PCDHGB4: variants seen among roughly 807,000 people sequenced by gnomAD.
PCDHGB4 encodes the protein protocadherin gamma subfamily B, 4.
In PCDHGB4, 38 loss-of-function variants were observed where a neutral mutation model predicts 60.5. That is an observed-to-expected ratio of 0.63 (90% CI 0.48 to 0.82). The LOEUF (loss-of-function observed/expected upper bound fraction) is 0.82, where lower values mean the gene tolerates loss of function less well. Ranked by LOEUF, PCDHGB4 falls within the 40% of genes least tolerant of loss-of-function variation. The pLI, the probability that PCDHGB4 is intolerant of heterozygous loss-of-function variation, is 0.00. For synonymous variants in PCDHGB4, 456 were observed against 509.7 expected, an observed-to-expected ratio of 0.89 and a Z score of 1.42; for missense variants, 1,109 against 1,209.6, an observed-to-expected ratio of 0.92 and a Z score of 1.23.
In PCDHGB4 at chr5:141,477,955, C is replaced by T. The variant is rs748233998; in HGVS notation, c.2398-16852C>T. The T allele has an allele frequency of 3.7e-6, 6 of 1,614,004 alleles. No homozygotes were observed. Among genetic ancestry groups the T allele is most frequent in the Admixed American group, 3.3e-5 (2 of 59,988 alleles). On this transcript the variant is annotated intron_variant, in intron 1 of 3. Transcript: ENST00000519479. This position sits in a 1 kb window ranked among gnomAD's most constrained non-coding sequence, Gnocchi z 4.9. ...GGCTCTCCTACAGTCTCTTGGGATCCCCTAACCAGAGCCTTTTTGCCATAG... is the reference window on the plus strand; with the variant it reads ...GGCTCTCCTACAGTCTCTTGGGATCTCCTAACCAGAGCCTTTTTGCCATAG...
rs1221067458 is a variant in PCDHGB4 at position 141,491,658 on chromosome 5, C to T, written c.2398-3149C>T. The T allele has an allele frequency of 3.1e-6, 5 of 1,613,822 alleles. No individual in the cohort carries two copies. The highest frequency in any genetic ancestry group is 2.2e-5 in the South Asian group (2 of 91,088). Reference sequence around the variant, plus strand: ...CCACAGCTCTGGCGCTGGAGCCTGACGCCATCCGGTCCCGCTCTAATACGC... The same window carrying T: ...CCACAGCTCTGGCGCTGGAGCCTGATGCCATCCGGTCCCGCTCTAATACGC... On this transcript the variant is annotated intron_variant, in intron 1 of 3. Coordinates refer to ENST00000519479, the MANE Select transcript of PCDHGB4 (RefSeq NM_003736.4). The surrounding 1 kb of genome is among the most constrained non-coding windows in gnomAD (Gnocchi z 6.9).
Position 141,511,429 on chromosome 5 carries a change from G to A in PCDHGB4, c.*256G>A, listed in dbSNP as rs1414641314. 1.3e-6 allele frequency: 1 copy of A among 769,620 alleles called. No individual in the cohort carries two copies. The highest frequency in any genetic ancestry group is 2.0e-6 in the Non-Finnish European group (1 of 505,154). The allele number at this position is 769,620 out of a possible 1,614,324, so 47.7% of individuals were successfully genotyped here. On this transcript the variant is annotated 3_prime_UTR_variant, in exon 4 of 4. Transcript: ENST00000519479. The stretch of plus-strand genomic sequence containing the variant: ...CTGCTGTACCCATGGGGGTAGTGGG[G>A]TTACTGTAGACACCAAGAACCATTT...
chr5:141,460,414 T>G (rs1289935272), intron 1 of PCDHGB4, among the ~76,000 whole-genome samples: 1 of 152,216 alleles, frequency 6.6e-6, no homozygotes, highest in Non-Finnish European at 1.5e-5. Context: ...GAGTTGATGT[T>G]TATGTATGGT....
intron 1 of PCDHGB4, chr5:141,415,943 T>A: frequency 1.8e-6 from 1 of 552,806 alleles, no homozygotes; most frequent in Non-Finnish European, 2.7e-6. Flanking sequence ...TCCTCCTGGG[T>A]GGTCACATAT....
At chr5:141,434,392 C>T (rs906051301) in intron 1 of PCDHGB4, among the ~76,000 whole-genome samples, 4 of 152,210 alleles carry the variant, frequency 2.6e-5, no homozygotes, top group African/African-American at 9.6e-5. Context: ...TGGCCATAAA[C>T]AAAATCTCTG....
In PCDHGB4 at chr5:141,476,348, G is replaced by T. The variant is rs764669470; in HGVS notation, c.2398-18459G>T. On this transcript the variant is annotated intron_variant, in intron 1 of 3. Transcript: ENST00000519479. This position sits in a 1 kb window ranked among gnomAD's most constrained non-coding sequence, Gnocchi z 7.6. ...GTCTGGAGCTAGCCGAAGATTCTTTGAGGTGAACCGGGAGACCGGAGAGAT... is the reference window on the plus strand; with the variant it reads ...GTCTGGAGCTAGCCGAAGATTCTTTTAGGTGAACCGGGAGACCGGAGAGAT... 1 of 1,614,190 alleles carries T rather than the reference G, an allele frequency of 6.2e-7. No individual in the cohort carries two copies. The highest frequency in any genetic ancestry group is 8.5e-7 in the Non-Finnish European group (1 of 1,180,032).
rs2099413641 is a variant in PCDHGB4, at chr5:141,477,586, T to C, written c.2398-17221T>C. The C allele has an allele frequency of 1.9e-6, 3 of 1,614,022 alleles. No individual in the cohort carries two copies. The highest frequency in any genetic ancestry group is 2.5e-6 in the Non-Finnish European group (3 of 1,180,036). On this transcript the variant is annotated intron_variant, in intron 1 of 3. Transcript: ENST00000519479. This position sits in a 1 kb window ranked among gnomAD's most constrained non-coding sequence, Gnocchi z 4.9. ...GGGACCCCGACGCCCCGCAGAATGC[T>C]CGGCTTTCTTTCTTTCTCTTGGAGC... is the stretch of plus-strand genomic sequence containing the variant.
rs1463991755 is a variant in PCDHGB4 at position 141,388,289 on chromosome 5, A to T, written c.405A>T (p.Gln135His). 8.7e-6 allele frequency: 14 copies of T among 1,613,522 alleles called. No homozygotes were observed. Among genetic ancestry groups the T allele is most frequent in the Non-Finnish European group, 1.2e-5 (14 of 1,179,774 alleles). Residue 135 changes from glutamine (Q) to histidine (H), a missense_variant, in exon 1 of 4, where the codon CAA becomes CAT. Gln to His is a conservative substitution (Grantham distance 24). This residue lies in a region of PCDHGB4 where 1,068 missense variants were observed against 1,089.9 expected (regional missense o/e 0.98). Coordinates refer to ENST00000519479, the MANE Select transcript of PCDHGB4 (RefSeq NM_003736.4). The stretch of plus-strand genomic sequence containing the variant: ...ATGACCACACGCCAAAATTCACGCA[A>T]AATTCCTTTGAGCTGCAAATAAGTG... ...DINDHTPKFT[Q>H]NSFELQISES...
In PCDHGB4 at chr5:141,490,507, G is replaced by C; in HGVS notation, c.2398-4300G>C. 1 of 1,614,016 alleles carries C rather than the reference G, an allele frequency of 6.2e-7. No individual in the cohort carries two copies. Among genetic ancestry groups the C allele is most frequent in the Non-Finnish European group, 8.5e-7 (1 of 1,180,002 alleles). On this transcript the variant is annotated intron_variant, in intron 1 of 3. Transcript: ENST00000519479. The surrounding 1 kb of genome is among the most constrained non-coding windows in gnomAD (Gnocchi z 5.4). ...GGAGGCCACATCCCACTATATCATCGAGCTGCTGGCCAGCGATGCTGGTTC... is the reference window on the plus strand; with the variant it reads ...GGAGGCCACATCCCACTATATCATCCAGCTGCTGGCCAGCGATGCTGGTTC...
rs765318875 is a variant in PCDHGB4 at position 141,489,896 on chromosome 5, C to A, written c.2398-4911C>A. On this transcript the variant is annotated intron_variant, in intron 1 of 3. Coordinates refer to ENST00000519479, the MANE Select transcript of PCDHGB4 (RefSeq NM_003736.4). This position sits in a 1 kb window ranked among gnomAD's most constrained non-coding sequence, Gnocchi z 4.5. ...GTGCTTACTGCTGTGGATGGGGGGA[C>A]CCCAGCCCGCTCAGGGACCACCCTT... 5 of 1,614,062 alleles carry A rather than the reference C, an allele frequency of 3.1e-6. No homozygotes were observed.
At chr5:141,475,959 A>T (rs963363028) in intron 1 of PCDHGB4, 15 of 817,720 alleles carry the variant, frequency 1.8e-5, no homozygotes, top group East Asian at 2.6e-5. Context: ...GCGCCCCGGG[A>T]TGAGGCAGAG....
At chr5:141,399,504 A>G (rs754910149) in intron 1 of PCDHGB4, 3 of 1,614,000 alleles carry the variant, frequency 1.9e-6, no homozygotes, top group Non-Finnish European at 2.5e-6. Context: ...GTGTACCCGA[A>G]AACAACCCTC....
intron 1 of PCDHGB4, among the ~76,000 whole-genome samples, chr5:141,460,251 A>G (rs2098984972): frequency 6.6e-6 from 1 of 152,114 alleles, no homozygotes; most frequent in Admixed American, 6.6e-5. Context: ...TAATTTTGAT[A>G]AAGCCCAATT....
intron 1 of PCDHGB4, chr5:141,393,489 G>C: frequency 6.2e-7 from 1 of 1,614,062 alleles, no homozygotes; most frequent in Non-Finnish European, 8.5e-7. Flanking sequence ...CTCTAGCACA[G>C]TGCGCATCCA....
Position 141,431,698 on chromosome 5 carries a change from A to ATTC in PCDHGB4, c.2397+41419_2397+41421dup. 6.2e-7 allele frequency: 1 copy of ATTC among 1,614,222 alleles called. No homozygotes were observed. Among genetic ancestry groups the ATTC allele is most frequent in the Non-Finnish European group, 8.5e-7 (1 of 1,180,036 alleles). The stretch of plus-strand genomic sequence containing the variant: ...GGGAGTTGGACCACGAGGAGTCAGG[A>ATTC]TTCTACCAGATGGAAGTGCAAGCAA... On this transcript the variant is annotated intron_variant, in intron 1 of 3. Coordinates refer to ENST00000519479, the MANE Select transcript of PCDHGB4 (RefSeq NM_003736.4). This position sits in a 1 kb window ranked among gnomAD's most constrained non-coding sequence, Gnocchi z 4.8.
chr5:141,415,161 C>T (rs1391561235), intron 1 of PCDHGB4: 1 of 1,613,864 alleles, frequency 6.2e-7, no homozygotes, highest in Admixed American at 1.7e-5. Context: ...CCGCCACTGT[C>T]ACGCTCACCG....
intron 1 of PCDHGB4, among the ~76,000 whole-genome samples, chr5:141,433,553 T>C (rs530467777): frequency 1.3e-5 from 2 of 151,614 alleles, no homozygotes; most frequent in African/African-American, 4.8e-5. Flanking sequence ...TATTCTTTTC[T>C]GGCTGGGCGC....
chr5:141,446,256 T>C lies in PCDHGB4; in HGVS notation c.2398-48551T>C, dbSNP rs535879308. On this transcript the variant is annotated intron_variant, in intron 1 of 3. Transcript: ENST00000519479. Reference sequence around the variant, plus strand: ...CAAGTGGTAGATCTTCAGTGAAATATTATTAACTGAATAAATACAATGGAT... The same window carrying C: ...CAAGTGGTAGATCTTCAGTGAAATACTATTAACTGAATAAATACAATGGAT... Among the ~76,000 whole-genome samples the C allele has an allele frequency of 2.0e-5, 3 of 152,310 alleles. No homozygotes were observed. The East Asian group carries it at 5.8e-4, about 29-fold the overall frequency.
intron 1 of PCDHGB4, among the ~76,000 whole-genome samples, chr5:141,483,778 G>T (rs1012545478): frequency 1.6e-4 from 24 of 152,222 alleles, no homozygotes; most frequent in African/African-American, 5.8e-4. Context: ...ATTGGGGAAG[G>T]ATAAGAACTC....
Sources: allele counts gnomAD v4.1 joint callset (sites outside exome capture counted in the v4.1 genomes callset), GRCh38; gene constraint gnomAD v4.1.1; regional missense constraint gnomAD v4.1.1; non-coding constraint Gnocchi (gnomAD v3.1); transcripts MANE v1.5; gene names NCBI Gene and HGNC (gene_info 2026-07-23, HGNC 2026-07-21).